CDK11A: variants seen among roughly 807,000 people sequenced by gnomAD.
CDK11A encodes cyclin dependent kinase 11A, also known as cyclin-dependent kinase 11A.
CDK11A carries 55 observed loss-of-function variants against 83.6 expected under a neutral mutation model. The observed-to-expected ratio is 0.66, with a 90% CI of 0.53 to 0.82. The LOEUF (loss-of-function observed/expected upper bound fraction) is 0.82. CDK11A is among the 40% of genes least tolerant of loss of function. The pLI, the probability that CDK11A is intolerant of heterozygous loss-of-function variation, is 0.00. For synonymous variants in CDK11A, 247 were observed against 302.7 expected (o/e 0.82, Z 1.91); for missense variants, 564 against 810.1 (o/e 0.70, Z 3.69).
At chr1:1,706,186 C>T (rs2101169857) in intron 11 of CDK11A, among the ~76,000 whole-genome samples, 1 of 150,474 alleles carries the variant, frequency 6.6e-6, no homozygotes, top group South Asian at 2.1e-4. Context: ...GATTCTCCTG[C>T]CTCAGCCTCC....
At chr1:1,715,457 C>A (rs1311570542) in intron 5 of CDK11A, among the ~76,000 whole-genome samples, 1 of 149,112 alleles carries the variant, frequency 6.7e-6, no homozygotes, top group Non-Finnish European at 1.5e-5. Flanking sequence ...GGACAAGACA[C>A]ACTCAATGTC....
In CDK11A at chr1:1,704,111, G is replaced by A. The variant is rs1254307339; in HGVS notation, c.1722C>T (p.Ser574=). ...CGACCGGGGTGTAGGCCTTCAGAGG[G>A]GATCCGTACTCCCGCGCCAGCCCAA... ...GDFGLAREYG[S]PLKAYTPVVV... The change falls in exon 16 of 20, where the codon TCC becomes TCT. Residue 574 remains serine, a synonymous_variant. Transcript: ENST00000404249. 7 of 1,602,488 alleles carry A rather than the reference G, an allele frequency of 4.4e-6. No homozygotes were observed. Among genetic ancestry groups the A allele is most frequent in the South Asian group, 1.1e-5 (1 of 89,922 alleles).
At chr1:1,704,450 T>C (rs1430787087) in intron 14 of CDK11A, 100 bp downstream of exon 14, 1 of 1,541,842 alleles carries the variant, frequency 6.5e-7, no homozygotes, top group Non-Finnish European at 8.8e-7. Context: ...GGGCTTTCCC[T>C]GTGGATGCAG....
chr1:1,722,480 A>C (rs1644943448), intron 2 of CDK11A: 1 of 627,892 alleles, frequency 1.6e-6, no homozygotes, highest in African/African-American at 1.6e-5. Context: ...CTAATGACTT[A>C]ACATTCAACG....
Position 1,721,806 on chromosome 1 carries a change from T to C in CDK11A, c.112-95A>G. ...TAATGATAATCAAACCTGGGCAACA[T>C]CCCAAAACAAACTTTCACATGTACT... On this transcript the variant is annotated intron_variant, in intron 2 of 19. Transcript: ENST00000404249. 2.8e-6 allele frequency: 4 copies of C among 1,407,204 alleles called. 1 individual carries two copies. The highest frequency in any genetic ancestry group is 3.8e-6 in the Non-Finnish European group (4 of 1,050,450). The allele number at this position is 1,407,204 out of a possible 1,614,324, so 87.2% of individuals were successfully genotyped here.
rs1240371604 is a variant in CDK11A at position 1,716,428 on chromosome 1, G to A, written c.406C>T (p.Arg136Ter). The change falls in exon 5 of 20, where the codon CGA becomes TGA. Residue 136 changes from arginine to a stop codon, truncating the protein, a stop_gained. Transcript: ENST00000404249. LOFTEE classifies it high-confidence loss of function. ...EREHERRKRH[R>*]EEQDKARREW... ...CGGCGAGCTTTATCCTGTTCTTCTCGATGTCGTTTCCGACGTTCGTGCTCT... is the reference window on the plus strand; with the variant it reads ...CGGCGAGCTTTATCCTGTTCTTCTCAATGTCGTTTCCGACGTTCGTGCTCT... The A allele has an allele frequency of 3.7e-6, 6 of 1,607,868 alleles. No homozygotes were observed. The highest frequency in any genetic ancestry group is 1.3e-5 in the African/African-American group (1 of 74,310).
At chr1:1,719,567 G>A (rs1385117865) in intron 3 of CDK11A, 112 bp from the exon 4 acceptor site, 35 of 716,186 alleles carry the variant, frequency 4.9e-5, no homozygotes, top group South Asian at 7.8e-5. Flanking sequence ...TAGGAACGAA[G>A]CTGAAACATC....
intron 17 of CDK11A, 98 bp from the exon 18 acceptor site, chr1:1,703,722 T>TG (rs1644179403): frequency 6.5e-7 from 1 of 1,543,664 alleles, no homozygotes; most frequent in Non-Finnish European, 8.8e-7. Flanking sequence ...GGGCTCTCAG[T>TG]GGCCCTGGTC....
At chr1:1,711,126 TC>T (rs1296756868) in intron 6 of CDK11A, among the ~76,000 whole-genome samples, 1 of 24,714 alleles carries the variant, frequency 4.0e-5, no homozygotes, top group African/African-American at 7.1e-5. Flanking sequence ...CTCAGTGAAC[TC>T]CAGGTAGAAT....
At position 1,703,844 on chromosome 1, in the gene CDK11A, G is replaced by C; in HGVS notation, c.1891C>G (p.Gln631Glu). 6.2e-7 allele frequency: 1 copy of C among 1,609,760 alleles called. No individual in the cohort carries two copies. Among genetic ancestry groups the C allele is most frequent in the Non-Finnish European group, 8.5e-7 (1 of 1,176,984 alleles). Residue 631 changes from glutamine (Q) to glutamate (E), a missense_variant, in exon 17 of 20, where the codon CAG becomes GAG. Around this residue, in one of 5 missense-constraint regions of CDK11A, gnomAD observed 361 missense variants for 402.7 expected, o/e 0.90. Coordinates refer to ENST00000404249, the MANE Select transcript of CDK11A (RefSeq NM_024011.4). Reference sequence around the variant, plus strand: ...CCCACCTTGAACACTTTGTTGATCTGATCGATTTCCGAATTCCCGGGGAAC... The same window carrying C: ...CCCACCTTGAACACTTTGTTGATCTCATCGATTTCCGAATTCCCGGGGAAC... ...PLFPGNSEID[Q>E]INKVFKELGT...
At position 1,702,818 on chromosome 1, in the gene CDK11A, G is replaced by A. The variant is rs2101139409; in HGVS notation, c.*89C>T. 1 of 392,920 alleles carries A rather than the reference G, an allele frequency of 2.5e-6. No individual in the cohort carries two copies. The highest frequency in any genetic ancestry group is 4.0e-5 in the East Asian group (1 of 25,296). 24.3% of individuals were successfully genotyped at this position (392,920 alleles called of 1,614,324 possible). On this transcript the variant is annotated 3_prime_UTR_variant, in exon 20 of 20. Transcript: ENST00000404249. ...AACATGGAGCACAAAGTAAGACGAGGAGTTCCGAGTCTCATCGCAGCTCCA... is the reference window on the plus strand; with the variant it reads ...AACATGGAGCACAAAGTAAGACGAGAAGTTCCGAGTCTCATCGCAGCTCCA...
Position 1,716,355 on chromosome 1 carries a change from C to T in CDK11A, c.479G>A (p.Arg160Lys). The change falls in exon 5 of 20, where the codon AGG (arginine) becomes AAG (lysine). Residue 160 changes from arginine to lysine, a missense_variant. Physicochemically the swap from Arg to Lys is conservative, Grantham distance 26 (BLOSUM62 2). This residue lies in a region of CDK11A where 151 missense variants were observed against 147.4 expected (regional missense o/e 1.02). Transcript: ENST00000404249. ...KRREMAREHS[R>K]RERDRLEQLE... ...GACCCAGCCCACTCACCTTTCTCTCCTGGAATGCTCCCTTGCCATTTCCCT... is the reference window on the plus strand; with the variant it reads ...GACCCAGCCCACTCACCTTTCTCTCTTGGAATGCTCCCTTGCCATTTCCCT... 1.9e-6 allele frequency: 3 copies of T among 1,609,146 alleles called. No individual in the cohort carries two copies. Among genetic ancestry groups the T allele is most frequent in the Non-Finnish European group, 2.5e-6 (3 of 1,176,712 alleles).
rs1166898828 is a variant in CDK11A at position 1,705,164 on chromosome 1, C to T, written c.1337-139G>A. 51 of 1,302,258 alleles carry T rather than the reference C, an allele frequency of 3.9e-5. 5 individuals are homozygous for T. Among genetic ancestry groups the T allele is most frequent in the South Asian group, 3.5e-4 (23 of 65,974 alleles). 80.7% of individuals were successfully genotyped at this position (1,302,258 alleles called of 1,614,324 possible). A position where few individuals can be genotyped will look rare whatever the true frequency, so the allele number is the denominator to read the frequency against. On this transcript the variant is annotated intron_variant, in intron 12 of 19. Coordinates refer to ENST00000404249, the MANE Select transcript of CDK11A (RefSeq NM_024011.4). Reference sequence around the variant, plus strand: ...GGGGGTCTCGTTCTAGGTGGGGGCACGTGGGCACCAGGAGAACGCCCCAGC... The same window carrying T: ...GGGGGTCTCGTTCTAGGTGGGGGCATGTGGGCACCAGGAGAACGCCCCAGC...
At chr1:1,703,776 G>A in intron 17 of CDK11A, 48 bp downstream of exon 17, 1 of 1,602,782 alleles carries the variant, frequency 6.2e-7, no homozygotes, top group Non-Finnish European at 8.5e-7. Context: ...CCCCATTCCT[G>A]CAACTCCTCT....
At chr1:1,705,160 G>A in intron 12 of CDK11A, 135 bp from the exon 13 acceptor site, 2 of 1,306,070 alleles carry the variant, frequency 1.5e-6, no homozygotes, top group South Asian at 3.0e-5. Flanking sequence ...TCTAGGTGGG[G>A]GCACGTGGGC....
chr1:1,703,942 T>G lies in CDK11A; in HGVS notation c.1795-2A>C, dbSNP rs770614720. The stretch of plus-strand genomic sequence containing the variant: ...CATGTCCACGGCCGTGGAGTATTCC[T>G]AAGACGCCAGGAGAGGTGTTCAGGA... On this transcript the variant is annotated splice_acceptor_variant, in intron 16 of 19. Coordinates refer to ENST00000404249, the MANE Select transcript of CDK11A (RefSeq NM_024011.4). LOFTEE classifies it high-confidence loss of function. The G allele has an allele frequency of 1.2e-6, 2 of 1,609,474 alleles. No homozygotes were observed. Among genetic ancestry groups the G allele is most frequent in the Non-Finnish European group, 8.5e-7 (1 of 1,176,864 alleles).
chr1:1,704,128 C>G lies in CDK11A; in HGVS notation c.1705G>C (p.Ala569Pro), dbSNP rs753246844. 1.9e-6 allele frequency: 3 copies of G among 1,604,732 alleles called. No homozygotes were observed. The highest frequency in any genetic ancestry group is 3.4e-5 in the Admixed American group (2 of 59,566). The part of the protein sequence containing the change: ...GILKVGDFGL[A>P]REYGSPLKAY... ...TTCAGAGGGGATCCGTACTCCCGCG[C>G]CAGCCCAAAATCACCCACCTGCAAC... Residue 569 changes from alanine to proline, a missense_variant, in exon 16 of 20, where the codon GCG becomes CCG. By Grantham distance (27) the Ala-to-Pro change is conservative. Transcript: ENST00000404249.
intron 3 of CDK11A, among the ~76,000 whole-genome samples, chr1:1,720,727 TGTCCCCCAGG>T (rs888537589): frequency 6.7e-6 from 1 of 150,366 alleles, no homozygotes; most frequent in African/African-American, 2.4e-5. Context: ...AATCTTGCTA[TGTCCCCCAGG>T]GTAGAATACA....
rs1435650313 is a variant in CDK11A at position 1,719,554 on chromosome 1, A to C, written c.228-99T>G. The C allele has an allele frequency of 2.1e-6, 2 of 966,932 alleles. 1 individual carries two copies. Among genetic ancestry groups the C allele is most frequent in the Non-Finnish European group, 2.9e-6 (2 of 699,122 alleles). The allele number at this position is 966,932 out of a possible 1,614,324, so 59.9% of individuals were successfully genotyped here. A position where few individuals can be genotyped will look rare whatever the true frequency, so the allele number is the denominator to read the frequency against. ...TTCAACCCAGAAAAATGCATGATTC[A>C]GATAGGAACGAAGCTGAAACATCAT... On this transcript the variant is annotated intron_variant, in intron 3 of 19. Coordinates refer to ENST00000404249, the MANE Select transcript of CDK11A (RefSeq NM_024011.4).
Sources: allele counts gnomAD v4.1 joint callset (sites outside exome capture counted in the v4.1 genomes callset), GRCh38; gene constraint gnomAD v4.1.1; regional missense constraint gnomAD v4.1.1; transcripts MANE v1.5; gene names NCBI Gene and HGNC (gene_info 2026-07-23, HGNC 2026-07-21).